The following VPS35L variants were observed in gnomAD, a reference collection of about 807,000 sequenced individuals.
VPS35L encodes VPS35 endosomal protein sorting factor like, also known as VPS35 endosomal protein-sorting factor-like.
VPS35L carries 83 observed loss-of-function variants against 133.0 expected under a neutral mutation model. The ratio of observed to expected loss-of-function variants is 0.62; its 90% CI spans 0.52 to 0.75. The LOEUF (loss-of-function observed/expected upper bound fraction) is 0.75. Among genes scored for constraint, VPS35L ranks in the 30% least tolerant of loss-of-function variants. The pLI is 0.00. For synonymous variants in VPS35L, 423 were observed against 449.9 expected (o/e 0.94, Z 0.76); for missense variants, 1,083 against 1,206.8 (o/e 0.90, Z 1.52).
chr16:19,619,093 G>A (rs531490717), intron 14 of VPS35L, among the ~76,000 whole-genome samples: 1 of 151,932 alleles, frequency 6.6e-6, no homozygotes. Context: ...ACCACACTCA[G>A]ATAATTTTTG....
chr16:19,563,943 G>A (rs1437553611), intron 1 of VPS35L, among the ~76,000 whole-genome samples: 1 of 152,222 alleles, frequency 6.6e-6, no homozygotes, highest in Non-Finnish European at 1.5e-5. Context: ...TCAGCCTCTT[G>A]TCCTGTGCTG....
At chr16:19,674,184 C>CTTTTTTT (rs201038834) in intron 27 of VPS35L, among the ~76,000 whole-genome samples, 358 of 70,916 alleles carry the variant, frequency 5.0e-3, no homozygotes, top group East Asian at 0.013. Context: ...TTTTCTTTTT[C>CTTTTTTT]TTTTTTTTTT....
intron 27 of VPS35L, among the ~76,000 whole-genome samples, chr16:19,678,990 A>G (rs1453488746): frequency 2.0e-5 from 3 of 152,138 alleles, no homozygotes; most frequent in African/African-American, 4.8e-5. Flanking sequence ...CACAAGACTT[A>G]TGCATTTGTG....
chr16:19,680,187 G>A (rs575911084), intron 27 of VPS35L, among the ~76,000 whole-genome samples: 8 of 152,298 alleles, frequency 5.3e-5, no homozygotes, highest in African/African-American at 1.9e-4. Flanking sequence ...GCGAAATGGG[G>A]CTTCGTCGTA....
At chr16:19,621,332 G>T (rs1456548279) in intron 14 of VPS35L, among the ~76,000 whole-genome samples, 1 of 152,176 alleles carries the variant, frequency 6.6e-6, no homozygotes, top group East Asian at 1.9e-4. Context: ...AGTTGGGAGG[G>T]GGGGACATTC....
chr16:19,625,306 G>T (rs1973226733), intron 14 of VPS35L, among the ~76,000 whole-genome samples: 1 of 152,164 alleles, frequency 6.6e-6, no homozygotes, highest in South Asian at 2.1e-4. Flanking sequence ...GTTGGGAGAG[G>T]TAAGATCGTG....
intron 6 of VPS35L, 41 bp from the exon 7 acceptor site, chr16:19,581,483 GT>G: frequency 1.3e-6 from 2 of 1,507,098 alleles, no homozygotes; most frequent in Admixed American, 2.2e-5. Flanking sequence ...GTCGAGCAAT[GT>G]TTTTCCTGCT....
chr16:19,612,317 A>C (rs1972750651), intron 12 of VPS35L, among the ~76,000 whole-genome samples: 1 of 151,124 alleles, frequency 6.6e-6, no homozygotes, highest in African/African-American at 2.4e-5. Flanking sequence ...GCAGTGGTGC[A>C]ATCTCAGCTC....
intron 9 of VPS35L, among the ~76,000 whole-genome samples, chr16:19,601,983 G>A (rs895369571): frequency 7.9e-5 from 12 of 151,280 alleles, no homozygotes; most frequent in Non-Finnish European, 1.6e-4. Context: ...ACTTTCACAC[G>A]AACATATTTT....
At chr16:19,637,710 T>C in intron 20 of VPS35L, 54 bp downstream of exon 20, 2 of 1,271,174 alleles carry the variant, frequency 1.6e-6, no homozygotes, top group South Asian at 1.4e-5. Flanking sequence ...TCAGAGGTTC[T>C]CATTGTCTCA....
At chr16:19,641,446 A>G (rs576485919) in intron 21 of VPS35L, among the ~76,000 whole-genome samples, 54 of 152,028 alleles carry the variant, frequency 3.6e-4, no homozygotes, top group African/African-American at 1.3e-3. Context: ...TTCATTTACA[A>G]TATATTATTT....
chr16:19,574,457 G>T (rs1443826530), intron 4 of VPS35L, among the ~76,000 whole-genome samples: 1 of 152,174 alleles, frequency 6.6e-6, no homozygotes, highest in Non-Finnish European at 1.5e-5. Flanking sequence ...TACAAATGGG[G>T]CTGTGCCCTG....
At chr16:19,667,457 A>C (rs1309055045) in intron 26 of VPS35L, among the ~76,000 whole-genome samples, 1 of 152,136 alleles carries the variant, frequency 6.6e-6, no homozygotes, top group Non-Finnish European at 1.5e-5. Flanking sequence ...GTGTTGGCCC[A>C]ATGCGGTGGC....
intron 27 of VPS35L, among the ~76,000 whole-genome samples, chr16:19,681,340 T>C (rs1336072300): frequency 6.6e-6 from 1 of 152,250 alleles, no homozygotes. Flanking sequence ...CAAGACTACA[T>C]CTTGGGCTAG....
rs775819135 is a variant in VPS35L, at chr16:19,699,560, G to C, written c.2705G>C (p.Gly902Ala). Reference protein sequence around the residue: ...LSFFNSILAHGDLRNNKLNQL... With the variant: ...LSFFNSILAHADLRNNKLNQL... ...TTCTTTAACAGCATCTTGGCCCATGGGGACCTACGCAACAACAAGCTCAAC... is the reference window on the plus strand; with the variant it reads ...TTCTTTAACAGCATCTTGGCCCATGCGGACCTACGCAACAACAAGCTCAAC... Residue 902 changes from glycine (G) to alanine (A), a missense_variant, in exon 30 of 31, where the codon GGG becomes GCG. Coordinates refer to ENST00000417362, the MANE Select transcript of VPS35L (RefSeq NM_020314.7). This position sits in a 1 kb window ranked among gnomAD's most constrained non-coding sequence, Gnocchi z 4.2. 4.3e-6 allele frequency: 7 copies of C among 1,614,038 alleles called. No individual in the cohort carries two copies. The highest frequency in any genetic ancestry group is 5.9e-6 in the Non-Finnish European group (7 of 1,180,040).
At chr16:19,588,289 C>T (rs1385868898) in intron 7 of VPS35L, among the ~76,000 whole-genome samples, 1 of 151,922 alleles carries the variant, frequency 6.6e-6, no homozygotes. Flanking sequence ...CAGATTCAAG[C>T]GATTCTCCCA....
At chr16:19,682,114 G>T in intron 27 of VPS35L, 111 bp from the exon 28 acceptor site, 1 of 1,249,884 alleles carries the variant, frequency 8.0e-7, no homozygotes, top group South Asian at 1.4e-5. Context: ...AACTGACAAC[G>T]TTAATTTCTC....
In VPS35L at chr16:19,642,328, A is replaced by G. The variant is rs1973811613; in HGVS notation, c.1785-68A>G. On this transcript the variant is annotated intron_variant, in intron 21 of 30. Coordinates refer to ENST00000417362, the MANE Select transcript of VPS35L (RefSeq NM_020314.7). ...TTTTCAAGTGTGTACAGTGGATGAA[A>G]ACTGAATCCACTCTTGCAGTGCTGT... 2.2e-6 allele frequency: 3 copies of G among 1,383,160 alleles called. No individual in the cohort carries two copies. The Admixed American group carries it at 5.2e-5, about 24-fold the overall frequency. 85.7% of individuals were successfully genotyped at this position (1,383,160 alleles called of 1,614,324 possible). A position where few individuals can be genotyped will look rare whatever the true frequency, so the allele number is the denominator to read the frequency against.
At chr16:19,605,142 C>T (rs1319170171) in intron 9 of VPS35L, among the ~76,000 whole-genome samples, 3 of 152,058 alleles carry the variant, frequency 2.0e-5, no homozygotes, top group Non-Finnish European at 2.9e-5. Context: ...AACACTGTTA[C>T]GTAAAGAGAC....
Sources: allele counts gnomAD v4.1 joint callset (sites outside exome capture counted in the v4.1 genomes callset), GRCh38; gene constraint gnomAD v4.1.1; non-coding constraint Gnocchi (gnomAD v3.1); transcripts MANE v1.5; gene names NCBI Gene and HGNC (gene_info 2026-07-23, HGNC 2026-07-21).